Variants in MLLT1 observed in about 807,000 individuals in gnomAD.
MLLT1 encodes the protein MLLT1 super elongation complex subunit.
Under a neutral mutation model 55.1 loss-of-function variants are expected in MLLT1, and 11 were observed. The observed-to-expected ratio is 0.20, with a 90% CI of 0.13 to 0.33. The LOEUF (loss-of-function observed/expected upper bound fraction) is 0.33, where lower values mean the gene tolerates loss of function less well. MLLT1 is among the 10% of genes least tolerant of loss of function. The probability of loss-of-function intolerance (pLI) is 1.00; values close to 1 mark genes in which losing one functional copy is unlikely to be tolerated. For synonymous variants in MLLT1, 323 were observed against 320.1 expected (o/e 1.01, Z -0.10); for missense variants, 536 against 760.6 (o/e 0.70, Z 3.47).
intron 1 of MLLT1, among the ~76,000 whole-genome samples, chr19:6,278,488 A>G (rs10221527): frequency 0.68 from 94,239 of 137,960 alleles, 31,333 homozygotes; most frequent in East Asian, 0.78. Flanking sequence ...ATCCTGGGGG[A>G]AAAAAACAGA....
At position 6,213,983 on chromosome 19, in the gene MLLT1, G is replaced by T. The variant is rs758164776; in HGVS notation, c.1363C>A (p.Arg455Ser). ...DNSADSSLPS[R>S]EPPPPQKPPP... The stretch of plus-strand genomic sequence containing the variant: ...GGCTTCTGGGGGGGTGGGGGCTCAC[G>T]GCTGGGCAGGGAGGAGTCGGCGCTG... Residue 455 changes from arginine (R) to serine (S), a missense_variant, in exon 9 of 12, where the codon CGT becomes AGT. Around this residue, in one of 3 missense-constraint regions of MLLT1, gnomAD observed 449 missense variants for 489.0 expected, o/e 0.92. Coordinates refer to ENST00000252674, the MANE Select transcript of MLLT1 (RefSeq NM_005934.4). The T allele has an allele frequency of 1.4e-6, 2 of 1,462,230 alleles. No homozygotes were observed. Among genetic ancestry groups the T allele is most frequent in the Non-Finnish European group, 1.8e-6 (2 of 1,108,670 alleles). 90.6% of individuals were successfully genotyped at this position (1,462,230 alleles called of 1,614,324 possible). A position where few individuals can be genotyped will look rare whatever the true frequency, so the allele number is the denominator to read the frequency against.
chr19:6,210,830 T>C lies in MLLT1; in HGVS notation c.*2212A>G, dbSNP rs1212373152. 4.4e-6 allele frequency: 1 copy of C among 229,660 alleles called. No individual in the cohort carries two copies. The highest frequency in any genetic ancestry group is 2.2e-5 in the African/African-American group (1 of 45,070). 14.2% of individuals were successfully genotyped at this position (229,660 alleles called of 1,614,324 possible). A position where few individuals can be genotyped will look rare whatever the true frequency, so the allele number is the denominator to read the frequency against. On this transcript the variant is annotated 3_prime_UTR_variant, in exon 12 of 12. Coordinates refer to ENST00000252674, the MANE Select transcript of MLLT1 (RefSeq NM_005934.4). This position sits in a 1 kb window ranked among gnomAD's most constrained non-coding sequence, Gnocchi z 4.6. ...GGGATGCTGCCTTGGGAGCCCATGC[T>C]GCCCAGCACGTCCATCAGGTGGTCA...
chr19:6,217,813 C>T lies in MLLT1; in HGVS notation c.1198+141G>A, dbSNP rs111943227. On this transcript the variant is annotated intron_variant, in intron 7 of 11. Coordinates refer to ENST00000252674, the MANE Select transcript of MLLT1 (RefSeq NM_005934.4). ...TGCTTTGCTTTTAAATATAGACTCC[C>T]CCAGGCCACCAAAACCCTCCATGTA... is the stretch of plus-strand genomic sequence containing the variant. The T allele has an allele frequency of 5.2e-4, 652 of 1,250,480 alleles. 2 individuals carry two copies. In the African/African-American group the frequency reaches 9.1e-3, roughly 18 times the overall value. The allele number at this position is 1,250,480 out of a possible 1,614,324, so 77.5% of individuals were successfully genotyped here.
intron 3 of MLLT1, among the ~76,000 whole-genome samples, chr19:6,261,963 A>G (rs935783281): frequency 3.3e-5 from 5 of 152,100 alleles, no homozygotes; most frequent in Non-Finnish European, 7.4e-5. Flanking sequence ...CACATTTTCT[A>G]GGCAACTGGA....
Position 6,229,107 on chromosome 19 carries a change from G to C in MLLT1, c.420+1463C>G, listed in dbSNP as rs2090982084. 6.6e-6 allele frequency among the ~76,000 whole-genome samples: 1 copy of C among 152,198 alleles called. No homozygotes were observed. The highest frequency in any genetic ancestry group is 2.4e-5 in the African/African-American group (1 of 41,446). The stretch of plus-strand genomic sequence containing the variant: ...GGCCCAGGGAACGCCACTTCCCACA[G>C]CCACGCCACCACGGAACCTCCGGGG... On this transcript the variant is annotated intron_variant, in intron 4 of 11. Coordinates refer to ENST00000252674, the MANE Select transcript of MLLT1 (RefSeq NM_005934.4). This position sits in a 1 kb window ranked among gnomAD's most constrained non-coding sequence, Gnocchi z 5.2.
chr19:6,225,988 C>T (rs1479332057), intron 5 of MLLT1, among the ~76,000 whole-genome samples: 5 of 152,230 alleles, frequency 3.3e-5, no homozygotes, highest in Non-Finnish European at 5.9e-5. Context: ...GTTTCCTACT[C>T]AGAGAATCTG....
chr19:6,244,364 T>TAA (rs200383302), intron 3 of MLLT1, among the ~76,000 whole-genome samples: 12 of 139,844 alleles, frequency 8.6e-5, no homozygotes, highest in South Asian at 4.6e-4. Context: ...AAACGAACAT[T>TAA]AAAAAAAAAA....
At chr19:6,277,397 G>A (rs1235015414) in intron 1 of MLLT1, among the ~76,000 whole-genome samples, 1 of 152,340 alleles carries the variant, frequency 6.6e-6, no homozygotes, top group Admixed American at 6.5e-5. Flanking sequence ...TGCATTGCCC[G>A]ACAGGGTGGT....
rs1419271929 is a variant in MLLT1 at position 6,219,361 on chromosome 19, C to T, written c.1111-1320G>A. On this transcript the variant is annotated intron_variant, in intron 6 of 11. Coordinates refer to ENST00000252674, the MANE Select transcript of MLLT1 (RefSeq NM_005934.4). This position sits in a 1 kb window ranked among gnomAD's most constrained non-coding sequence, Gnocchi z 4.5. ...TGGTGCCCATCAGTCACTGCCCACT[C>T]AGGCTACCTGAGTCCCGGACACATA... is the stretch of plus-strand genomic sequence containing the variant. Among the ~76,000 whole-genome samples the T allele has an allele frequency of 1.3e-5, 2 of 152,206 alleles. No individual in the cohort carries two copies. Among genetic ancestry groups the T allele is most frequent in the Non-Finnish European group, 2.9e-5 (2 of 68,034 alleles).
In MLLT1 at chr19:6,229,230, A is replaced by G. The variant is rs1359848700; in HGVS notation, c.420+1340T>C. 1.3e-5 allele frequency among the ~76,000 whole-genome samples: 2 copies of G among 152,048 alleles called. No individual in the cohort carries two copies. Among genetic ancestry groups the G allele is most frequent in the Non-Finnish European group, 2.9e-5 (2 of 67,998 alleles). ...GAGGGCGCTGGGACCCAGCCCTCAC[A>G]TCCTCAGGCCACCCAGCACTCAGCC... is the stretch of plus-strand genomic sequence containing the variant. On this transcript the variant is annotated intron_variant, in intron 4 of 11. Coordinates refer to ENST00000252674, the MANE Select transcript of MLLT1 (RefSeq NM_005934.4). The surrounding 1 kb of genome is among the most constrained non-coding windows in gnomAD (Gnocchi z 5.2).
chr19:6,271,932 T>C (rs1368582704), intron 1 of MLLT1, among the ~76,000 whole-genome samples: 1 of 152,204 alleles, frequency 6.6e-6, no homozygotes, highest in Non-Finnish European at 1.5e-5. Flanking sequence ...CCAGTACCTG[T>C]CTCTTCTTTG....
rs573012373 is a variant in MLLT1 at position 6,270,933 on chromosome 19, C to T, written c.13-174G>A. Among the ~76,000 whole-genome samples, 9 of 152,280 alleles carry T rather than the reference C, an allele frequency of 5.9e-5. No individual in the cohort carries two copies. The highest frequency in any genetic ancestry group is 1.4e-4 in the African/African-American group (6 of 41,558). On this transcript the variant is annotated intron_variant, in intron 1 of 11. Transcript: ENST00000252674. This position sits in a 1 kb window ranked among gnomAD's most constrained non-coding sequence, Gnocchi z 7.1. Reference sequence around the variant, plus strand: ...CGCCAGCACCTTGCCGCAGACGTCCCGTGCCTTCTCCCCTCCGTACTCCCA... The same window carrying T: ...CGCCAGCACCTTGCCGCAGACGTCCTGTGCCTTCTCCCCTCCGTACTCCCA...
At chr19:6,271,019 C>T (rs542814461) in intron 1 of MLLT1, among the ~76,000 whole-genome samples, 1 of 152,138 alleles carries the variant, frequency 6.6e-6, no homozygotes, top group Non-Finnish European at 1.5e-5. Context: ...GCACAGCCTC[C>T]TCACCGGTCC....
chr19:6,220,669 C>T (rs2090889040), intron 6 of MLLT1, among the ~76,000 whole-genome samples: 1 of 152,236 alleles, frequency 6.6e-6, no homozygotes, highest in Non-Finnish European at 1.5e-5. Flanking sequence ...ACACCCAGCC[C>T]CAGGTACCAG....
intron 3 of MLLT1, among the ~76,000 whole-genome samples, chr19:6,241,154 C>T (rs768408903): frequency 3.9e-5 from 6 of 152,180 alleles, no homozygotes; most frequent in South Asian, 2.1e-4. Flanking sequence ...TGGTCAGTCC[C>T]GGGGCCTCCT....
Position 6,230,527 on chromosome 19 carries a change from C to G in MLLT1, c.420+43G>C, listed in dbSNP as rs549378215. ...ACAGACGGCCGCAGCAAAGTAGCCT[C>G]GGTGGAGCGGCCCCTTGGCGGGCAG... On this transcript the variant is annotated intron_variant, in intron 4 of 11. Transcript: ENST00000252674. This position sits in a 1 kb window ranked among gnomAD's most constrained non-coding sequence, Gnocchi z 9.0. The G allele has an allele frequency of 6.2e-7, 1 of 1,605,906 alleles. No individual in the cohort carries two copies. The highest frequency in any genetic ancestry group is 1.1e-5 in the South Asian group (1 of 90,872).
At chr19:6,238,030 A>G (rs1452409962) in intron 3 of MLLT1, among the ~76,000 whole-genome samples, 5 of 152,228 alleles carry the variant, frequency 3.3e-5, no homozygotes, top group African/African-American at 4.8e-5. Flanking sequence ...CCTTAAGCCC[A>G]GGAGTTCGAG....
rs954084806 is a variant in MLLT1 at position 6,231,445 on chromosome 19, C to T, written c.277-732G>A. Among the ~76,000 whole-genome samples, 12 of 152,104 alleles carry T rather than the reference C, an allele frequency of 7.9e-5. No individual in the cohort carries two copies. Among genetic ancestry groups the T allele is most frequent in the African/African-American group, 2.4e-4 (10 of 41,414 alleles). On this transcript the variant is annotated intron_variant, in intron 3 of 11. Transcript: ENST00000252674. The surrounding 1 kb of genome is among the most constrained non-coding windows in gnomAD (Gnocchi z 5.1). ...GGCTTGCAGGAAGGAGCTGTCTGCA[C>T]GGGCTCCTGTGGAGGCCTAGCCACA...
At chr19:6,243,523 C>G (rs914468616) in intron 3 of MLLT1, among the ~76,000 whole-genome samples, 17 of 152,354 alleles carry the variant, frequency 1.1e-4, no homozygotes, top group African/African-American at 2.9e-4. Flanking sequence ...AAGCCACGGC[C>G]ACAGAGCTTA....
Sources: allele counts gnomAD v4.1 joint callset (sites outside exome capture counted in the v4.1 genomes callset), GRCh38; gene constraint gnomAD v4.1.1; regional missense constraint gnomAD v4.1.1; non-coding constraint Gnocchi (gnomAD v3.1); transcripts MANE v1.5; gene names NCBI Gene and HGNC (gene_info 2026-07-23, HGNC 2026-07-21).